The following PSMC2 variants were observed in gnomAD, a reference collection of about 807,000 sequenced individuals.
PSMC2 encodes the protein 26S proteasome regulatory subunit 7.
PSMC2 carries 7 observed loss-of-function variants against 53.3 expected under a neutral mutation model. The ratio of observed to expected loss-of-function variants is 0.13; its 90% CI spans 0.07 to 0.25. PSMC2 has a LOEUF of 0.25. Ranked by LOEUF, PSMC2 falls within the 10% of genes least tolerant of loss-of-function variation. PSMC2 has a pLI of 1.00. For missense variants in PSMC2, 241 were observed against 544.0 expected (o/e 0.44, Z 5.54); for synonymous variants, 169 against 183.9 (o/e 0.92, Z 0.66).
chr7:103,361,700 C>G (rs552751275), intron 4 of PSMC2, among the ~76,000 whole-genome samples: 2 of 152,032 alleles, frequency 1.3e-5, no homozygotes, highest in African/African-American at 2.4e-5. Flanking sequence ...CTATGGAAAT[C>G]AAGAAATCAG....
chr7:103,352,685 C>A (rs1819789644), intron 1 of PSMC2: 2 of 590,080 alleles, frequency 3.4e-6, no homozygotes, highest in Admixed American at 5.5e-5. Flanking sequence ...TGAGCCACAG[C>A]ATCCGGCTGA....
Position 103,355,809 on chromosome 7 carries a change from C to T in PSMC2, c.290+16C>T. The T allele has an allele frequency of 3.2e-6, 5 of 1,554,174 alleles. No homozygotes were observed. Among genetic ancestry groups the T allele is most frequent in the Non-Finnish European group, 4.4e-6 (5 of 1,127,744 alleles). On this transcript the variant is annotated intron_variant, in intron 4 of 11. Transcript: ENST00000292644. ...AGGTTGCCAGGTATGCACGGGTGCT[C>T]TGTGGCAACTTACCTTTGTCTGTAT... is the stretch of plus-strand genomic sequence containing the variant.
intron 4 of PSMC2, among the ~76,000 whole-genome samples, chr7:103,358,487 T>C (rs1820171046): frequency 1.3e-5 from 2 of 152,194 alleles, no homozygotes; most frequent in South Asian, 4.1e-4. Flanking sequence ...TGCTAATCTT[T>C]CCTTCCTGTT....
chr7:103,368,146 C>A lies in PSMC2; in HGVS notation c.*92C>A. The A allele has an allele frequency of 8.8e-7, 1 of 1,134,508 alleles. No homozygotes were observed. The highest frequency in any genetic ancestry group is 1.2e-6 in the Non-Finnish European group (1 of 821,404). 70.3% of individuals were successfully genotyped at this position (1,134,508 alleles called of 1,614,324 possible). ...CAATTCATAAACAAATAAATGGCTT[C>A]AAAATTGTATGCTTTTTTCCATATC... On this transcript the variant is annotated 3_prime_UTR_variant, in exon 12 of 12. Coordinates refer to ENST00000292644, the MANE Select transcript of PSMC2 (RefSeq NM_002803.4).
chr7:103,357,792 T>G (rs940784029), intron 4 of PSMC2, among the ~76,000 whole-genome samples: 8 of 152,186 alleles, frequency 5.3e-5, no homozygotes, highest in African/African-American at 1.7e-4. Context: ...CCTGGTTTTC[T>G]GTGCATATAT....
In PSMC2 at chr7:103,354,874, A is replaced by C; in HGVS notation, c.115A>C (p.Ser39Arg). 1 of 1,610,348 alleles carries C rather than the reference A, an allele frequency of 6.2e-7. No homozygotes were observed. The highest frequency in any genetic ancestry group is 8.5e-7 in the Non-Finnish European group (1 of 1,176,872). ...DIALLKTYGQ[S>R]TYSRQIKQVE... ...ACTGACCTTCATCACCTAGGGTCAG[A>C]GCACTTACTCTAGGCAGATCAAGCA... The change falls in exon 3 of 12, where the codon AGC (serine) becomes CGC (arginine). Residue 39 changes from serine (S) to arginine (R), a missense_variant. Ser to Arg is a moderately radical substitution (Grantham distance 110, BLOSUM62 -1). Transcript: ENST00000292644.
intron 2 of PSMC2, among the ~76,000 whole-genome samples, chr7:103,354,365 ATTTTTTTTTTT>A (rs752847513): frequency 1.5e-5 from 2 of 134,538 alleles, no homozygotes; most frequent in Non-Finnish European, 3.2e-5. Flanking sequence ...TTCACACACG[ATTTTTTTTTTT>A]TTTTTTTTTG....
At chr7:103,355,522 G>A (rs752538032) in intron 3 of PSMC2, among the ~76,000 whole-genome samples, 172 bp from the exon 4 acceptor site, 15 of 151,446 alleles carry the variant, frequency 9.9e-5, no homozygotes, top group Non-Finnish European at 2.1e-4. Context: ...GGGTGGTGCT[G>A]CTGGCGTCTA....
At chr7:103,362,791 TG>T (rs747095663) in intron 6 of PSMC2, 33 bp downstream of exon 6, 3 of 1,400,206 alleles carry the variant, frequency 2.1e-6, no homozygotes, top group Non-Finnish European at 3.0e-6. Flanking sequence ...AGGAAGGCTA[TG>T]TCTTTTTTTT....
intron 4 of PSMC2, among the ~76,000 whole-genome samples, chr7:103,357,844 C>T (rs1182963386): frequency 6.6e-6 from 1 of 152,162 alleles, no homozygotes; most frequent in Non-Finnish European, 1.5e-5. Context: ...GTCTAAACTG[C>T]TCTTCAGATG....
At chr7:103,359,540 T>C (rs1320028823) in intron 4 of PSMC2, among the ~76,000 whole-genome samples, 1 of 152,216 alleles carries the variant, frequency 6.6e-6, no homozygotes, top group African/African-American at 2.4e-5. Context: ...TTTCTGTTTC[T>C]ATGAATTTGT....
chr7:103,365,791 G>A (rs774694469), intron 8 of PSMC2, among the ~76,000 whole-genome samples: 2 of 152,054 alleles, frequency 1.3e-5, no homozygotes, highest in Non-Finnish European at 2.9e-5. Flanking sequence ...AGCGGGGTGT[G>A]GTGACACATG....
Position 103,367,489 on chromosome 7 carries a change from T to C in PSMC2, c.921T>C (p.Asp307=). The part of the protein sequence containing the change: ...RTMLELINQL[D]GFDPRGNIKV... The stretch of plus-strand genomic sequence containing the variant: ...TGTTGGAACTGATCAATCAGCTTGA[T>C]GGTTTTGATCCTAGAGGCAATATTA... The change falls in exon 10 of 12, where the codon GAT becomes GAC. Residue 307 remains aspartate, a synonymous_variant. Coordinates refer to ENST00000292644, the MANE Select transcript of PSMC2 (RefSeq NM_002803.4). This position sits in a 1 kb window ranked among gnomAD's most constrained non-coding sequence, Gnocchi z 6.1. 1.2e-6 allele frequency: 2 copies of C among 1,614,096 alleles called. No homozygotes were observed. The highest frequency in any genetic ancestry group is 1.3e-5 in the African/African-American group (1 of 75,030).
At chr7:103,354,710 A>T (rs1306913267) in intron 2 of PSMC2, 158 bp from the exon 3 acceptor site, 3 of 587,786 alleles carry the variant, frequency 5.1e-6, no homozygotes, top group Non-Finnish European at 9.0e-6. Flanking sequence ...TGGATTGTGT[A>T]TTTAGGGGGA....
intron 9 of PSMC2, 138 bp downstream of exon 9, chr7:103,366,301 T>C: frequency 1.4e-6 from 1 of 712,168 alleles, no homozygotes; most frequent in African/African-American, 1.8e-5. Context: ...GCGCCACAGA[T>C]CTAATAAGTA....
chr7:103,361,510 C>CAAAA (rs759044767), intron 4 of PSMC2, among the ~76,000 whole-genome samples: 23 of 51,048 alleles, frequency 4.5e-4, no homozygotes, highest in Admixed American at 7.2e-4. Context: ...AACTCCATCT[C>CAAAA]AAAAAAAAAA....
In PSMC2 at chr7:103,366,068, C is replaced by G; in HGVS notation, c.757-8C>G. The G allele has an allele frequency of 1.3e-6, 2 of 1,590,906 alleles. No homozygotes were observed. Among genetic ancestry groups the G allele is most frequent in the East Asian group, 4.5e-5 (2 of 44,748 alleles). On this transcript the variant is annotated splice_polypyrimidine_tract_variant and splice_region_variant and intron_variant, in intron 8 of 11. Coordinates refer to ENST00000292644, the MANE Select transcript of PSMC2 (RefSeq NM_002803.4). ...AATTTTGAATTAATAAATCATTTTTCTCATTAGGGGGCTCGAATGGTTCGT... is the reference window on the plus strand; with the variant it reads ...AATTTTGAATTAATAAATCATTTTTGTCATTAGGGGGCTCGAATGGTTCGT...
chr7:103,357,869 GTT>G (rs1165686907), intron 4 of PSMC2, among the ~76,000 whole-genome samples: 20 of 152,050 alleles, frequency 1.3e-4, no homozygotes, highest in African/African-American at 4.8e-4. Flanking sequence ...AGATCTGTTC[GTT>G]TTCTCTCAGT....
At chr7:103,354,000 T>G in intron 2 of PSMC2, 42 bp downstream of exon 2, 2 of 1,460,154 alleles carry the variant, frequency 1.4e-6, no homozygotes, top group Non-Finnish European at 1.9e-6. Context: ...TGTTTTATGT[T>G]GAAATAAAAA....
Sources: gnomAD v4.1 joint callset for allele counts (sites outside exome capture counted in the v4.1 genomes callset) on GRCh38, gnomAD v4.1.1 for gene constraint, Gnocchi (gnomAD v3.1) non-coding constraint, MANE v1.5 for transcripts, NCBI Gene and HGNC (gene_info 2026-07-23, HGNC 2026-07-21) for gene names.